Variants in LBHD1 observed in about 807,000 individuals in gnomAD.
LBHD1 encodes the protein LBH domain containing 1.
In LBHD1, 28 loss-of-function variants were observed where a neutral mutation model predicts 31.1. The ratio of observed to expected loss-of-function variants is 0.90; its 90% confidence interval spans 0.67 to 1.24. LBHD1 has a LOEUF of 1.24. Ranked by LOEUF, LBHD1 falls within the 50% of genes most tolerant of loss-of-function variation. LBHD1 has a pLI of 0.00. For synonymous variants in LBHD1, 105 were observed against 116.5 expected (o/e 0.90, Z 0.63); for missense variants, 350 against 323.0 (o/e 1.08, Z -0.64).
At chr11:62,663,461 C>A in intron 5 of LBHD1, 128 bp from the exon 6 acceptor site, 1 of 906,414 alleles carries the variant, frequency 1.1e-6, no homozygotes, top group Non-Finnish European at 1.6e-6. Flanking sequence ...AATCCCAGCA[C>A]TTTGGGAGGC....
chr11:62,671,594 T>G lies in LBHD1; in HGVS notation c.-41A>C. 2 of 1,477,736 alleles carry G rather than the reference T, an allele frequency of 1.4e-6. No individual in the cohort carries two copies. Among genetic ancestry groups the G allele is most frequent in the Non-Finnish European group, 1.8e-6 (2 of 1,122,096 alleles). The allele number at this position is 1,477,736 out of a possible 1,614,324, so 91.5% of individuals were successfully genotyped here. A position where few individuals can be genotyped will look rare whatever the true frequency, so the allele number is the denominator to read the frequency against. The stretch of plus-strand genomic sequence containing the variant: ...ATCCAAGCGCTCCGGATTCCAAACG[T>G]TTCCTCGAGCAGGTCCTCTCTAGCC... On this transcript the variant is annotated 5_prime_UTR_variant, in exon 1 of 7. Coordinates refer to ENST00000354588, the MANE Select transcript of LBHD1 (RefSeq NM_024099.5).
chr11:62,662,922 G>A lies in LBHD1; in HGVS notation c.*207C>T, dbSNP rs1310645423. 8 of 697,584 alleles carry A rather than the reference G, an allele frequency of 1.1e-5. No individual in the cohort carries two copies. The East Asian group carries it at 2.2e-4, about 19-fold the overall frequency. The allele number at this position is 697,584 out of a possible 1,614,324, so 43.2% of individuals were successfully genotyped here. A position where few individuals can be genotyped will look rare whatever the true frequency, so the allele number is the denominator to read the frequency against. On this transcript the variant is annotated 3_prime_UTR_variant, in exon 7 of 7. Coordinates refer to ENST00000354588, the MANE Select transcript of LBHD1 (RefSeq NM_024099.5). Reference sequence around the variant, plus strand: ...CTCCCAAAGACATCCCTCTAGGGGAGGTCAGTAGGCCATTAGGTAGGAGGA... The same window carrying A: ...CTCCCAAAGACATCCCTCTAGGGGAAGTCAGTAGGCCATTAGGTAGGAGGA...
intron 4 of LBHD1, chr11:62,665,932 G>C: frequency 1.2e-6 from 2 of 1,612,626 alleles, no homozygotes; most frequent in Non-Finnish European, 1.7e-6. Flanking sequence ...ATGGGGACGT[G>C]CCGCCCCTTT....
intron 4 of LBHD1, chr11:62,665,980 G>A: frequency 6.3e-7 from 1 of 1,594,574 alleles, no homozygotes; most frequent in Non-Finnish European, 8.5e-7. Flanking sequence ...AGAGGGCAAG[G>A]TGGGGGCAGA....
In LBHD1 at chr11:62,672,163, T is replaced by C. The variant is rs1307452115; in HGVS notation, c.-610A>G. 2.0e-6 allele frequency: 3 copies of C among 1,525,326 alleles called. No homozygotes were observed. The highest frequency in any genetic ancestry group is 2.6e-6 in the Non-Finnish European group (3 of 1,135,326). The allele number at this position is 1,525,326 out of a possible 1,614,324, so 94.5% of individuals were successfully genotyped here. A position where few individuals can be genotyped will look rare whatever the true frequency, so the allele number is the denominator to read the frequency against. On this transcript the variant is annotated 5_prime_UTR_variant, in exon 1 of 7. Coordinates refer to ENST00000354588, the MANE Select transcript of LBHD1 (RefSeq NM_024099.5). ...CCGGACCTTGGCTTGGGCGCAGGAA[T>C]CCGAGGCAGCCTTTCTCCTTCGTGG...
chr11:62,667,637 T>G lies in LBHD1; in HGVS notation c.424A>C (p.Thr142Pro). The change falls in exon 4 of 7, where the codon ACA (threonine) becomes CCA (proline). Residue 142 changes from threonine (T) to proline (P), a missense_variant. Physicochemically the swap from Thr to Pro is conservative, Grantham distance 38. Coordinates refer to ENST00000354588, the MANE Select transcript of LBHD1 (RefSeq NM_024099.5). ...EEDACWILEDTACLEATNHCP... is the reference protein window; with the variant it reads ...EEDACWILEDPACLEATNHCP... ...TGGTTGGTGGCTTCCAGACATGCTG[T>G]GTCCTCAAGAATCCAACAAGCATCT... 1 of 1,614,144 alleles carries G rather than the reference T, an allele frequency of 6.2e-7. No individual in the cohort carries two copies. The highest frequency in any genetic ancestry group is 8.5e-7 in the Non-Finnish European group (1 of 1,180,010).
chr11:62,663,548 G>A (rs1944710079), intron 5 of LBHD1, among the ~76,000 whole-genome samples: 1 of 152,006 alleles, frequency 6.6e-6, no homozygotes, highest in African/African-American at 2.4e-5. Context: ...CAAAACATTA[G>A]CTGGGCGCAG....
At chr11:62,670,102 CTG>C in intron 1 of LBHD1, 61 bp from the exon 2 acceptor site, 4 of 1,500,950 alleles carry the variant, frequency 2.7e-6, no homozygotes, top group Non-Finnish European at 2.7e-6. Context: ...ACCCCACAAA[CTG>C]TTCCTTTAAT....
intron 4 of LBHD1, chr11:62,666,775 G>A: frequency 3.1e-6 from 5 of 1,614,174 alleles, no homozygotes; most frequent in Non-Finnish European, 3.4e-6. Context: ...AGAACCTGGG[G>A]GCTGTGGCTT....
chr11:62,663,397 G>C, intron 5 of LBHD1, 64 bp from the exon 6 acceptor site: 1 of 1,514,280 alleles, frequency 6.6e-7, no homozygotes, highest in Non-Finnish European at 9.0e-7. Flanking sequence ...CACACAAATA[G>C]TTCTGGCTAT....
intron 4 of LBHD1, chr11:62,665,927 G>A (rs1027971200): frequency 1.2e-6 from 2 of 1,612,968 alleles, no homozygotes. Context: ...TGATGATGGG[G>A]ACGTGCCGCC....
At chr11:62,671,010 G>C in intron 1 of LBHD1, 1 of 259,512 alleles carries the variant, frequency 3.9e-6, no homozygotes, top group Non-Finnish European at 7.9e-6. Context: ...GAGGCAGGAG[G>C]ATCGCTTGGG....
chr11:62,671,921 G>A lies in LBHD1; in HGVS notation c.-368C>T. The A allele has an allele frequency of 6.2e-7, 1 of 1,613,154 alleles. No individual in the cohort carries two copies. Among genetic ancestry groups the A allele is most frequent in the Non-Finnish European group, 8.5e-7 (1 of 1,179,318 alleles). The stretch of plus-strand genomic sequence containing the variant: ...TGGGCGGGTGGAGAGCCCCGGACTG[G>A]AGCTCCTGCGAACTCCCCTTCCTGC... On this transcript the variant is annotated 5_prime_UTR_variant, in exon 1 of 7. Coordinates refer to ENST00000354588, the MANE Select transcript of LBHD1 (RefSeq NM_024099.5).
chr11:62,668,079 AAT>A (rs1251927235), intron 3 of LBHD1: 2 of 233,448 alleles, frequency 8.6e-6, no homozygotes, highest in Non-Finnish European at 1.7e-5. Flanking sequence ...CTTATAAAAA[AAT>A]AGAGCAATTA....
chr11:62,665,025 G>T, intron 4 of LBHD1, 52 bp from the exon 5 acceptor site: 1 of 1,600,392 alleles, frequency 6.2e-7, no homozygotes, highest in Non-Finnish European at 8.5e-7. Context: ...CGCGACCCGG[G>T]GCCCCTCCAC....
At position 62,662,952 on chromosome 11, in the gene LBHD1, T is replaced by C. The variant is rs2134593770; in HGVS notation, c.*177A>G. On this transcript the variant is annotated 3_prime_UTR_variant, in exon 7 of 7. Transcript: ENST00000354588. ...GTAGGCCATTAGGTAGGAGGAAATCTGGAGAGTGAAAAGGGGCCTTGCTTT... is the reference window on the plus strand; with the variant it reads ...GTAGGCCATTAGGTAGGAGGAAATCCGGAGAGTGAAAAGGGGCCTTGCTTT... 4.4e-6 allele frequency: 4 copies of C among 916,932 alleles called. No homozygotes were observed. The highest frequency in any genetic ancestry group is 6.6e-6 in the Non-Finnish European group (4 of 607,624). 56.8% of individuals were successfully genotyped at this position (916,932 alleles called of 1,614,324 possible). A position where few individuals can be genotyped will look rare whatever the true frequency, so the allele number is the denominator to read the frequency against.
At chr11:62,664,574 G>A (rs1590845636) in intron 5 of LBHD1, among the ~76,000 whole-genome samples, 1 of 151,988 alleles carries the variant, frequency 6.6e-6, no homozygotes, top group Non-Finnish European at 1.5e-5. Context: ...CAGGTGATCC[G>A]CCCACCTCAG....
At chr11:62,670,960 G>A in intron 1 of LBHD1, 1 of 191,660 alleles carries the variant, frequency 5.2e-6, no homozygotes, top group Non-Finnish European at 1.1e-5. Context: ...CCAGCCGGGC[G>A]TGGTGGTGCA....
At chr11:62,671,421 A>C (rs1944940038) in intron 1 of LBHD1, 143 bp downstream of exon 1, 1 of 1,271,370 alleles carries the variant, frequency 7.9e-7, no homozygotes. Context: ...AGACAGAAAA[A>C]TGGGCAATCA....
Sources: allele counts gnomAD v4.1 joint callset (sites outside exome capture counted in the v4.1 genomes callset), GRCh38; gene constraint gnomAD v4.1.1; transcripts MANE v1.5; gene names NCBI Gene and HGNC (gene_info 2026-07-23, HGNC 2026-07-21).